PPARGC1A: variants seen among roughly 807,000 people sequenced by gnomAD.
PPARGC1A encodes PPARG coactivator 1 alpha.
A neutral mutation model predicts 88.7 loss-of-function variants in PPARGC1A; 25 were observed. That is an observed-to-expected ratio of 0.28 (90% confidence interval 0.21 to 0.39). The LOEUF is 0.39. Ranked by LOEUF, PPARGC1A falls within the 10% of genes least tolerant of loss-of-function variation. The probability of loss-of-function intolerance (pLI) is 1.00; values close to 1 mark genes in which losing one functional copy is unlikely to be tolerated. For missense variants in PPARGC1A, 880 were observed against 968.7 expected (o/e 0.91, Z 1.22); for synonymous variants, 363 against 355.6 (o/e 1.02, Z -0.24).
the PPARGC1A span, among the ~76,000 whole-genome samples, chr4:24,244,229 G>A: frequency 6.6e-6 from 1 of 152,226 alleles, no homozygotes; most frequent in Admixed American, 6.5e-5. Flanking sequence ...AGAAAAGAAG[G>A]ACAAAAGCAG....
At chr4:24,253,903 T>C in the PPARGC1A span, among the ~76,000 whole-genome samples, 1 of 152,232 alleles carries the variant, frequency 6.6e-6, no homozygotes, top group Admixed American at 6.5e-5. Flanking sequence ...CTATGTTAAG[T>C]AGCTATCCTG....
chr4:24,094,451 C>T, the PPARGC1A span, among the ~76,000 whole-genome samples: 3 of 152,208 alleles, frequency 2.0e-5, no homozygotes, highest in Non-Finnish European at 4.4e-5. Flanking sequence ...TCTTCCTTTT[C>T]CAGTCTTGAT....
chr4:23,946,899 T>C, the PPARGC1A span, among the ~76,000 whole-genome samples: 3 of 152,178 alleles, frequency 2.0e-5, no homozygotes, highest in Admixed American at 2.0e-4. Flanking sequence ...TTTTTAATAT[T>C]CTCATGGTAC....
chr4:24,033,998 C>T, the PPARGC1A span, among the ~76,000 whole-genome samples: 1 of 152,174 alleles, frequency 6.6e-6, no homozygotes, highest in South Asian at 2.1e-4. Context: ...TGGCCTTCTT[C>T]TTCCTAAACA....
the PPARGC1A span, among the ~76,000 whole-genome samples, chr4:24,152,813 C>A: frequency 6.6e-6 from 1 of 152,180 alleles, no homozygotes; most frequent in Non-Finnish European, 1.5e-5. Context: ...TAAAATACTT[C>A]TACCCCAACT....
chr4:24,446,452 G>C, the PPARGC1A span, among the ~76,000 whole-genome samples: 1 of 152,082 alleles, frequency 6.6e-6, no homozygotes, highest in Non-Finnish European at 1.5e-5. Flanking sequence ...TGAGTTGTAG[G>C]AGTTTCTATA....
the PPARGC1A span, among the ~76,000 whole-genome samples, chr4:24,333,331 A>C: frequency 2.0e-5 from 3 of 152,208 alleles, no homozygotes; most frequent in Non-Finnish European, 4.4e-5. Flanking sequence ...ACTTAAAAAT[A>C]CTTTTAAAAA....
the PPARGC1A span, among the ~76,000 whole-genome samples, chr4:24,335,934 T>G: frequency 6.6e-6 from 1 of 152,220 alleles, no homozygotes; most frequent in Admixed American, 6.5e-5. Context: ...GATTTATTAT[T>G]CAGAATAAAT....
In PPARGC1A at chr4:23,813,698, G is replaced by A. The variant is rs1365604906; in HGVS notation, c.1785C>T (p.Ser595=). Residue 595 remains serine (S), a synonymous_variant, in exon 8 of 13, where the codon TCC becomes TCT. Transcript: ENST00000264867. ...GTTTTGCCAAGGTTTACCTTGAAGAGGATCTACTGCCTGGAGACCTTGATC... is the reference window on the plus strand; with the variant it reads ...GTTTTGCCAAGGTTTACCTTGAAGAAGATCTACTGCCTGGAGACCTTGATC... ...RSRSRSPGSR[S]SSRSCYYYES... is the part of the protein sequence containing the mutation. 1 of 1,586,540 alleles carries A rather than the reference G, an allele frequency of 6.3e-7. No homozygotes were observed. Among genetic ancestry groups the A allele is most frequent in the African/African-American group, 1.4e-5 (1 of 73,826 alleles).
chr4:23,909,536 G>C, the PPARGC1A span, among the ~76,000 whole-genome samples: 1 of 151,330 alleles, frequency 6.6e-6, no homozygotes, highest in African/African-American at 2.4e-5. Flanking sequence ...TACTTGGCTG[G>C]AGAAGAACAC....
chr4:24,427,909 G>T, the PPARGC1A span, among the ~76,000 whole-genome samples: 1 of 152,034 alleles, frequency 6.6e-6, no homozygotes, highest in African/African-American at 2.4e-5. Context: ...CCAGGAGTTG[G>T]AGACCAGCCT....
At chr4:24,084,019 A>T in the PPARGC1A span, among the ~76,000 whole-genome samples, 1 of 152,224 alleles carries the variant, frequency 6.6e-6, no homozygotes, top group Non-Finnish European at 1.5e-5. Flanking sequence ...GGGAGCTGAG[A>T]CACAGCAAGT....
chr4:24,413,477 C>T, the PPARGC1A span, among the ~76,000 whole-genome samples: 1 of 152,132 alleles, frequency 6.6e-6, no homozygotes, highest in Non-Finnish European at 1.5e-5. Context: ...GACAAAATCG[C>T]CACAGGCAAA....
At chr4:24,225,856 T>C in the PPARGC1A span, among the ~76,000 whole-genome samples, 1 of 151,980 alleles carries the variant, frequency 6.6e-6, no homozygotes, top group Non-Finnish European at 1.5e-5. Context: ...GGAGCTTAGG[T>C]GGAATGAATA....
the PPARGC1A span, among the ~76,000 whole-genome samples, chr4:24,278,759 G>A: frequency 6.6e-6 from 1 of 152,034 alleles, no homozygotes; most frequent in Non-Finnish European, 1.5e-5. Flanking sequence ...CCTACATTGT[G>A]AGCTTTGTAA....
chr4:23,866,699 C>T (rs769064872), intron 2 of PPARGC1A, among the ~76,000 whole-genome samples: 1 of 152,138 alleles, frequency 6.6e-6, no homozygotes, highest in South Asian at 2.1e-4. Flanking sequence ...ATCTTAAATA[C>T]GACCAAACTT....
At chr4:24,066,849 G>GTTTTTTTTTTTTTTTTTTTTTTTTTCT in the PPARGC1A span, among the ~76,000 whole-genome samples, 2 of 100,880 alleles carry the variant, frequency 2.0e-5, no homozygotes, top group Non-Finnish European at 3.9e-5. Context: ...TTTGTTTTGG[G>GTTTTTTTTTTTTTTTTTTTTTTTTTCT]TTTTTTTTTT....
chr4:24,387,042 T>A, the PPARGC1A span, among the ~76,000 whole-genome samples: 6 of 152,158 alleles, frequency 3.9e-5, no homozygotes, highest in South Asian at 1.2e-3. Flanking sequence ...CCAAAACAGA[T>A]ACATAGACCA....
At chr4:23,895,820 T>A (rs1240374747) in intron 1 of PPARGC1A, among the ~76,000 whole-genome samples, 3 of 151,998 alleles carry the variant, frequency 2.0e-5, no homozygotes, top group African/African-American at 7.2e-5. Context: ...AATAAGGGAA[T>A]GTGTACAAAG....
Sources: allele counts gnomAD v4.1 joint callset (sites outside exome capture counted in the v4.1 genomes callset), GRCh38; gene constraint gnomAD v4.1.1; transcripts MANE v1.5; gene names NCBI Gene and HGNC (gene_info 2026-07-23, HGNC 2026-07-21).